WDFY2: variants seen among roughly 807,000 people sequenced by gnomAD.
WDFY2 encodes the protein WD repeat and FYVE domain-containing protein 2.
A neutral mutation model predicts 56.4 loss-of-function variants in WDFY2; 36 were observed. The observed-to-expected ratio is 0.64, with a 90% CI of 0.49 to 0.84. WDFY2 has a LOEUF of 0.84. Ranked by LOEUF, WDFY2 falls within the 40% of genes least tolerant of loss-of-function variation. The pLI is 0.00. For synonymous variants in WDFY2, 176 were observed against 183.7 expected (o/e 0.96, Z 0.34); for missense variants, 444 against 512.2 (o/e 0.87, Z 1.29).
chr13:51,696,322 C>A (rs1160651966), intron 3 of WDFY2, among the ~76,000 whole-genome samples: 1 of 152,200 alleles, frequency 6.6e-6, no homozygotes, highest in Non-Finnish European at 1.5e-5. Context: ...CATCTTGGCT[C>A]CAGCCCCCAA....
chr13:51,699,268 C>A (rs1951935525), intron 3 of WDFY2, among the ~76,000 whole-genome samples: 1 of 152,232 alleles, frequency 6.6e-6, no homozygotes, highest in Non-Finnish European at 1.5e-5. Flanking sequence ...AGACAGCTGG[C>A]AGATAAATTC....
chr13:51,598,673 C>G (rs956199590), intron 1 of WDFY2: 1 of 152,136 alleles, frequency 6.6e-6, no homozygotes, highest in African/African-American at 2.4e-5. Flanking sequence ...CTTGTATTCT[C>G]TATCCAAAGA....
At chr13:51,597,978 G>A (rs1002127872) in intron 1 of WDFY2, among the ~76,000 whole-genome samples, 1 of 152,160 alleles carries the variant, frequency 6.6e-6, no homozygotes, top group African/African-American at 2.4e-5. Flanking sequence ...AAACTGATAG[G>A]ATTTCCACAA....
chr13:51,632,393 C>T (rs181649661), intron 1 of WDFY2, among the ~76,000 whole-genome samples: 14 of 151,938 alleles, frequency 9.2e-5, no homozygotes, highest in Non-Finnish European at 1.9e-4. Flanking sequence ...ATTATTTCTT[C>T]TGTTTTCTCT....
chr13:51,730,368 C>T (rs1295559671), intron 6 of WDFY2, among the ~76,000 whole-genome samples: 4 of 152,184 alleles, frequency 2.6e-5, no homozygotes, highest in East Asian at 1.9e-4. Context: ...CTGGCTGTAA[C>T]GGCCTTCCTT....
At chr13:51,670,045 T>A (rs1593965373) in intron 2 of WDFY2, among the ~76,000 whole-genome samples, 1 of 152,162 alleles carries the variant, frequency 6.6e-6, no homozygotes, top group Admixed American at 6.5e-5. Flanking sequence ...AATAGACCAG[T>A]CCCCAGCCAG....
At chr13:51,695,308 T>C (rs1294904418) in intron 3 of WDFY2, among the ~76,000 whole-genome samples, 1 of 152,176 alleles carries the variant, frequency 6.6e-6, no homozygotes, top group African/African-American at 2.4e-5. Context: ...CCCATCTTTG[T>C]GGTTTTATCT....
rs1347433793 is a variant in WDFY2, at chr13:51,665,977, C to G, written c.205+5314C>G. On this transcript the variant is annotated intron_variant, in intron 2 of 11. Coordinates refer to ENST00000298125, the MANE Select transcript of WDFY2 (RefSeq NM_052950.4). The stretch of plus-strand genomic sequence containing the variant: ...CACCTTCCCAGTTCTCTGCCTTGGC[C>G]TGGTGGGATGGCATTTACCCAGTCT... Among the ~76,000 whole-genome samples the G allele has an allele frequency of 2.0e-5, 3 of 152,282 alleles. No homozygotes were observed. The East Asian group carries it at 5.8e-4, about 29-fold the overall frequency.
intron 1 of WDFY2, among the ~76,000 whole-genome samples, chr13:51,619,167 T>G (rs779832860): frequency 4.1e-4 from 63 of 152,336 alleles, no homozygotes; most frequent in Non-Finnish European, 7.3e-4. Context: ...AATAAAGAAC[T>G]CGAGGCTGCA....
At chr13:51,733,474 G>A (rs1566200702) in intron 6 of WDFY2, among the ~76,000 whole-genome samples, 1 of 152,218 alleles carries the variant, frequency 6.6e-6, no homozygotes, top group Non-Finnish European at 1.5e-5. Flanking sequence ...TACAAGTAGT[G>A]GTAGGAGCTT....
chr13:51,674,901 A>G (rs537809271), intron 2 of WDFY2, among the ~76,000 whole-genome samples: 1 of 152,354 alleles, frequency 6.6e-6, no homozygotes, highest in East Asian at 1.9e-4. Flanking sequence ...TTTAGAGTCC[A>G]TACTGACAGA....
chr13:51,654,020 C>G (rs1593940774), intron 1 of WDFY2, among the ~76,000 whole-genome samples: 2 of 152,196 alleles, frequency 1.3e-5, no homozygotes, highest in South Asian at 2.1e-4. Flanking sequence ...TCTACAGAGG[C>G]AGACGCCTCC....
chr13:51,644,552 T>G (rs1343274200), intron 1 of WDFY2, among the ~76,000 whole-genome samples: 4 of 152,206 alleles, frequency 2.6e-5, no homozygotes, highest in African/African-American at 9.7e-5. Context: ...GGGAGATGGC[T>G]GGAATAAATA....
chr13:51,758,290 A>G lies in WDFY2; in HGVS notation c.1163A>G (p.Lys388Arg), dbSNP rs770919533. 3 of 1,587,334 alleles carry G rather than the reference A, an allele frequency of 1.9e-6. No homozygotes were observed. The highest frequency in any genetic ancestry group is 2.3e-5 in the South Asian group (2 of 88,834). The change falls in exon 11 of 12, where the codon AAG becomes AGG. Residue 388 changes from lysine (K) to arginine (R), a missense_variant. Physicochemically the swap from Lys to Arg is conservative, Grantham distance 26 (BLOSUM62 2). Coordinates refer to ENST00000298125, the MANE Select transcript of WDFY2 (RefSeq NM_052950.4). ...TGGTTACTGACTTCTGGAACTGACA[A>G]GGTTATTAAGGTAAGATGCCATCTT... ...RGWLLTSGTD[K>R]VIKLWDMTPV...
intron 7 of WDFY2, among the ~76,000 whole-genome samples, chr13:51,743,662 A>T (rs1222404932): frequency 6.6e-6 from 1 of 152,086 alleles, no homozygotes; most frequent in Non-Finnish European, 1.5e-5. Flanking sequence ...TACATACCAG[A>T]CTTTGTGTTA....
intron 2 of WDFY2, 31 bp downstream of exon 2, chr13:51,660,694 C>G: frequency 6.3e-7 from 1 of 1,597,620 alleles, no homozygotes; most frequent in South Asian, 1.1e-5. Context: ...CTTGAAAAAC[C>G]AGACATGTCC....
chr13:51,697,558 A>C (rs1472423087), intron 3 of WDFY2, among the ~76,000 whole-genome samples: 1 of 151,470 alleles, frequency 6.6e-6, no homozygotes, highest in Non-Finnish European at 1.5e-5. Flanking sequence ...ATTTGAGCTT[A>C]GGAGGTTGAG....
At chr13:51,635,411 A>G (rs151044440) in intron 1 of WDFY2, among the ~76,000 whole-genome samples, 1 of 152,352 alleles carries the variant, frequency 6.6e-6, no homozygotes, top group East Asian at 1.9e-4. Context: ...AGACGTGATC[A>G]AATCCAGATC....
At chr13:51,701,037 T>C (rs1455995972) in intron 3 of WDFY2, among the ~76,000 whole-genome samples, 6 of 152,206 alleles carry the variant, frequency 3.9e-5, no homozygotes, top group African/African-American at 2.4e-5. Context: ...TATGTACTCA[T>C]GTGGAATTGC....
Sources: allele counts gnomAD v4.1 joint callset (sites outside exome capture counted in the v4.1 genomes callset), GRCh38; gene constraint gnomAD v4.1.1; transcripts MANE v1.5; gene names NCBI Gene and HGNC (gene_info 2026-07-23, HGNC 2026-07-21).